Variants in GPC3 observed in about 807,000 individuals in gnomAD.
GPC3 encodes the protein glypican 3.
GPC3 carries 3 observed loss-of-function variants against 34.4 expected under a neutral mutation model. That is an observed-to-expected ratio of 0.09 (90% CI 0.04 to 0.23). The LOEUF (loss-of-function observed/expected upper bound fraction) is 0.23, where lower values mean the gene tolerates loss of function less well. Among genes scored for constraint, GPC3 ranks in the 10% least tolerant of loss-of-function variants. The probability of loss-of-function intolerance (pLI) is 1.00; values close to 1 mark genes in which losing one functional copy is unlikely to be tolerated. For synonymous variants in GPC3, 177 were observed against 174.0 expected (o/e 1.02, Z -0.13); for missense variants, 351 against 445.6 (o/e 0.79, Z 1.91).
In GPC3 at chrX:133,735,989, T is replaced by C. The variant is rs201608874; in HGVS notation, c.1032+17493A>G. On this transcript the variant is annotated intron_variant, in intron 3 of 7. Coordinates refer to ENST00000370818, the MANE Select transcript of GPC3 (RefSeq NM_004484.4). Reference sequence around the variant, plus strand: ...AAAAAAAAAAAAAGTAAATCATGTATGTGATAAGGGTCTAGTATCCAGAAT... The same window carrying C: ...AAAAAAAAAAAAAGTAAATCATGTACGTGATAAGGGTCTAGTATCCAGAAT... Among the ~76,000 whole-genome samples, 4 of 108,677 alleles carry C rather than the reference T, an allele frequency of 3.7e-5. No individual in the cohort carries two copies. In the East Asian group the frequency reaches 8.6e-4, roughly 23 times the overall value. 94.4% of individuals were successfully genotyped at this position (108,677 alleles called of 115,157 possible). A position where few individuals can be genotyped will look rare whatever the true frequency, so the allele number is the denominator to read the frequency against.
At chrX:133,894,818 C>T (rs1349040561) in intron 2 of GPC3, among the ~76,000 whole-genome samples, 1 of 111,889 alleles carries the variant, frequency 8.9e-6, no homozygotes, top group Non-Finnish European at 1.9e-5. Flanking sequence ...CCAGCCTGGG[C>T]CACAGAGCAA....
intron 7 of GPC3, among the ~76,000 whole-genome samples, chrX:133,549,025 T>C (rs775130533): frequency 9.0e-6 from 1 of 111,650 alleles, no homozygotes; most frequent in Non-Finnish European, 1.9e-5. Flanking sequence ...AATACACTCA[T>C]CATCAATGGG....
intron 6 of GPC3, among the ~76,000 whole-genome samples, chrX:133,626,878 T>G (rs953877218): frequency 9.3e-6 from 1 of 107,989 alleles, no homozygotes; most frequent in African/African-American, 3.4e-5. Flanking sequence ...ATGTTTATTG[T>G]GGCACTATTC....
intron 3 of GPC3, among the ~76,000 whole-genome samples, chrX:133,744,251 G>A (rs766130140): frequency 8.9e-6 from 1 of 112,111 alleles, no homozygotes; most frequent in South Asian, 3.7e-4. Flanking sequence ...AGAAATTTTT[G>A]CAATCTGTCC....
chrX:133,961,876 G>T (rs1376660039), intron 1 of GPC3, among the ~76,000 whole-genome samples: 1 of 111,733 alleles, frequency 8.9e-6, no homozygotes, highest in African/African-American at 3.3e-5. Flanking sequence ...ACTAACAACA[G>T]CCTCCAAACT....
intron 6 of GPC3, among the ~76,000 whole-genome samples, chrX:133,638,520 T>G (rs2070450540): frequency 8.9e-6 from 1 of 111,784 alleles, no homozygotes; most frequent in Non-Finnish European, 1.9e-5. Context: ...TAATGTATTG[T>G]GCTCTCCTGC....
At chrX:133,936,896 C>T (rs2076325819) in intron 2 of GPC3, among the ~76,000 whole-genome samples, 1 of 111,771 alleles carries the variant, frequency 8.9e-6, no homozygotes, top group South Asian at 3.8e-4. Context: ...AGTCAAACGC[C>T]TGATAGGCTA....
In GPC3 at chrX:133,660,247, A is replaced by C. The variant is rs1215513451; in HGVS notation, c.1413+1483T>G. On this transcript the variant is annotated intron_variant, in intron 6 of 7. Transcript: ENST00000370818. ...CACAAAAATTTCACTGCTAAAATCC[A>C]TATTTTAAAAACTCATACCAATGTC... Among the ~76,000 whole-genome samples the C allele has an allele frequency of 3.6e-5, 4 of 112,393 alleles. 1 individual carries two copies. The highest frequency in any genetic ancestry group is 1.3e-4 in the African/African-American group (4 of 30,916).
chrX:133,689,714 G>A (rs1389175636), intron 5 of GPC3, among the ~76,000 whole-genome samples: 3 of 112,035 alleles, frequency 2.7e-5, no homozygotes, highest in African/African-American at 9.7e-5. Context: ...GAATGAATAC[G>A]TGAATGAATG....
intron 2 of GPC3, among the ~76,000 whole-genome samples, chrX:133,831,389 A>G (rs2075774478): frequency 8.9e-6 from 1 of 111,971 alleles, no homozygotes; most frequent in African/African-American, 3.2e-5. Flanking sequence ...CTATTTTTGC[A>G]TTTCTTGTGA....
chrX:133,902,183 T>C (rs1210189990), intron 2 of GPC3, among the ~76,000 whole-genome samples: 1 of 112,845 alleles, frequency 8.9e-6, no homozygotes. Flanking sequence ...AGTACAGTGA[T>C]ACTTCAAATA....
At position 133,949,261 on chromosome X, in the gene GPC3, G is replaced by A. The variant is rs1413666029; in HGVS notation, c.337+3789C>T. 5.7e-4 allele frequency among the ~76,000 whole-genome samples: 64 copies of A among 112,058 alleles called. 2 individuals are homozygous for A. The stretch of plus-strand genomic sequence containing the variant: ...AGAAAAGGACAGTGAATGTAAGTTG[G>A]ACTTTCCTTATTTACTTGTAACCAC... On this transcript the variant is annotated intron_variant, in intron 2 of 7. Coordinates refer to ENST00000370818, the MANE Select transcript of GPC3 (RefSeq NM_004484.4).
At chrX:133,550,495 C>G (rs1247586030) in intron 7 of GPC3, among the ~76,000 whole-genome samples, 2 of 111,962 alleles carry the variant, frequency 1.8e-5, no homozygotes, top group Non-Finnish European at 3.8e-5. Flanking sequence ...TTCCTCTCCT[C>G]AACTAGACTG....
At chrX:133,709,656 A>C in intron 3 of GPC3, among the ~76,000 whole-genome samples, 1 of 111,950 alleles carries the variant, frequency 8.9e-6, no homozygotes, top group East Asian at 2.8e-4. Flanking sequence ...TAATTTCCCC[A>C]GGGCTTTTAT....
intron 2 of GPC3, among the ~76,000 whole-genome samples, chrX:133,830,989 G>GAA (rs199805735): frequency 9.3e-6 from 1 of 107,288 alleles, no homozygotes; most frequent in African/African-American, 3.4e-5. Context: ...CATACTGAGT[G>GAA]AAAAAAAAAG....
chrX:133,584,798 A>G (rs1444834996), intron 7 of GPC3, among the ~76,000 whole-genome samples: 1 of 110,527 alleles, frequency 9.0e-6, no homozygotes, highest in East Asian at 2.8e-4. Context: ...ATTTTTATTT[A>G]CTTGGTAATT....
At chrX:133,718,465 C>T (rs1302982829) in intron 3 of GPC3, among the ~76,000 whole-genome samples, 1 of 111,103 alleles carries the variant, frequency 9.0e-6, no homozygotes, top group East Asian at 2.8e-4. Flanking sequence ...AAAACCATTA[C>T]CCTAGAAAAT....
chrX:133,848,388 C>A (rs2075856319), intron 2 of GPC3, among the ~76,000 whole-genome samples: 2 of 111,825 alleles, frequency 1.8e-5, no homozygotes, highest in African/African-American at 6.5e-5. Context: ...GAATTCATCC[C>A]ATAGAGCACA....
At chrX:133,566,670 T>C (rs1465753460) in intron 7 of GPC3, among the ~76,000 whole-genome samples, 1 of 110,923 alleles carries the variant, frequency 9.0e-6, no homozygotes, top group Non-Finnish European at 1.9e-5. Flanking sequence ...TATTCACCAA[T>C]TGGTTTGAAT....
Sources: allele counts gnomAD v4.1 joint callset (sites outside exome capture counted in the v4.1 genomes callset), GRCh38; gene constraint gnomAD v4.1.1; transcripts MANE v1.5; gene names NCBI Gene and HGNC (gene_info 2026-07-23, HGNC 2026-07-21).